Variants in MFAP3 observed in about 807,000 individuals in gnomAD.
MFAP3 encodes the protein microfibril-associated glycoprotein 3.
In MFAP3, 8 loss-of-function variants were observed where a neutral mutation model predicts 20.5. That is an observed-to-expected ratio of 0.39 (90% CI 0.23 to 0.70). MFAP3 has a LOEUF of 0.70. MFAP3 is among the 30% of genes least tolerant of loss of function. The pLI, the probability that MFAP3 is intolerant of heterozygous loss-of-function variation, is 0.44. For synonymous variants in MFAP3, 140 were observed against 154.0 expected (o/e 0.91, Z 0.67); for missense variants, 398 against 444.6 (o/e 0.90, Z 0.94).
At chr5:154,050,129 T>A in intron 2 of MFAP3, 112 bp downstream of exon 2, 1 of 1,215,696 alleles carries the variant, frequency 8.2e-7, no homozygotes, top group South Asian at 1.6e-5. Flanking sequence ...GTGAATAGTT[T>A]AAAACATTTG....
At chr5:154,052,300 G>GCC (rs1773209825) in intron 2 of MFAP3, among the ~76,000 whole-genome samples, 1 of 151,440 alleles carries the variant, frequency 6.6e-6, no homozygotes, top group South Asian at 2.1e-4. Flanking sequence ...ATCAACAAAA[G>GCC]TTTCTTAACA....
intron 1 of MFAP3, among the ~76,000 whole-genome samples, chr5:154,046,162 A>G (rs1260298781): frequency 2.0e-5 from 3 of 152,210 alleles, no homozygotes; most frequent in Non-Finnish European, 2.9e-5. Context: ...TCCTACCATT[A>G]TCCTCTAGGA....
In MFAP3 at chr5:154,054,723, C is replaced by T. The variant is rs577345744; in HGVS notation, c.*1010C>T. The T allele has an allele frequency of 3.6e-5, 6 of 167,160 alleles. No individual in the cohort carries two copies. The highest frequency in any genetic ancestry group is 1.4e-4 in the African/African-American group (6 of 41,556). The allele number at this position is 167,160 out of a possible 1,614,324, so 10.4% of individuals were successfully genotyped here. ...ACCCAAAACTGGATTCCTCTTAAGACCTCTGTCAACCCTCCTGCCCTTTGT... is the reference window on the plus strand; with the variant it reads ...ACCCAAAACTGGATTCCTCTTAAGATCTCTGTCAACCCTCCTGCCCTTTGT... On this transcript the variant is annotated 3_prime_UTR_variant, in exon 3 of 3. Transcript: ENST00000522782.
In MFAP3 at chr5:154,053,444, A is replaced by C. The variant is rs1773250260; in HGVS notation, c.820A>C (p.Arg274=). 3 of 1,613,912 alleles carry C rather than the reference A, an allele frequency of 1.9e-6. No individual in the cohort carries two copies. The highest frequency in any genetic ancestry group is 1.6e-4 in the Middle Eastern group (1 of 6,084). The change falls in exon 3 of 3, where the codon AGA becomes CGA. Residue 274 remains arginine (R), a synonymous_variant. Transcript: ENST00000522782. ...TGACCTGGGTGAAAGAATTAAAGAG[A>C]GACCTGCCTTGAATGCTCAAGGTGG... is the stretch of plus-strand genomic sequence containing the variant. ...PDDLGERIKE[R]PALNAQGGIY...
intron 1 of MFAP3, among the ~76,000 whole-genome samples, chr5:154,047,402 A>G (rs1010303294): frequency 6.6e-6 from 1 of 152,212 alleles, no homozygotes; most frequent in African/African-American, 2.4e-5. Context: ...GTATATGAAA[A>G]TGTATCCCTC....
intron 2 of MFAP3, 56 bp downstream of exon 2, chr5:154,050,073 A>C (rs1561590347): frequency 1.3e-6 from 2 of 1,514,668 alleles, no homozygotes; most frequent in Non-Finnish European, 1.8e-6. Flanking sequence ...CTGTCTTCTT[A>C]TTTTTTAACA....
intron 2 of MFAP3, among the ~76,000 whole-genome samples, chr5:154,052,686 A>G (rs914577105): frequency 6.6e-6 from 1 of 152,148 alleles, no homozygotes; most frequent in Non-Finnish European, 1.5e-5. Flanking sequence ...AGCTATGTTA[A>G]TTATTAGTGT....
intron 2 of MFAP3, among the ~76,000 whole-genome samples, chr5:154,050,577 A>C: frequency 6.6e-6 from 1 of 150,780 alleles, no homozygotes; most frequent in Non-Finnish European, 1.5e-5. Context: ...GAGAATTAGA[A>C]GGGCACTATG....
In MFAP3 at chr5:154,055,359, A is replaced by G. The variant is rs1231676637; in HGVS notation, c.*1646A>G. On this transcript the variant is annotated 3_prime_UTR_variant, in exon 3 of 3. Coordinates refer to ENST00000522782, the MANE Select transcript of MFAP3 (RefSeq NM_005927.5). ...CAGAAGTAATACATCTGCTCTGAAT[A>G]GCATGAATGAATCAATGTGCAGTTT... is the stretch of plus-strand genomic sequence containing the variant. Among the ~76,000 whole-genome samples, 1 of 152,206 alleles carries G rather than the reference A, an allele frequency of 6.6e-6. No individual in the cohort carries two copies. The highest frequency in any genetic ancestry group is 2.4e-5 in the African/African-American group (1 of 41,460).
At chr5:154,043,170 T>A (rs1372035645) in intron 1 of MFAP3, among the ~76,000 whole-genome samples, 1 of 152,194 alleles carries the variant, frequency 6.6e-6, no homozygotes, top group Non-Finnish European at 1.5e-5. Flanking sequence ...AAGCTTACAT[T>A]CTGTATACCT....
chr5:154,042,413 G>A lies in MFAP3; in HGVS notation c.-167+3402G>A, dbSNP rs1027189640. On this transcript the variant is annotated intron_variant, in intron 1 of 2. Coordinates refer to ENST00000522782, the MANE Select transcript of MFAP3 (RefSeq NM_005927.5). Reference sequence around the variant, plus strand: ...GGTGCCAGAAGATATGTTGAAGTTTGAGCTCAGACTGACCAAATGCTAGTT... The same window carrying A: ...GGTGCCAGAAGATATGTTGAAGTTTAAGCTCAGACTGACCAAATGCTAGTT... Among the ~76,000 whole-genome samples the A allele has an allele frequency of 1.2e-4, 19 of 152,200 alleles. 2 individuals carry two copies. Among genetic ancestry groups the A allele is most frequent in the African/African-American group, 9.7e-5 (4 of 41,436 alleles).
intron 1 of MFAP3, among the ~76,000 whole-genome samples, chr5:154,043,475 T>A (rs1773006156): frequency 6.6e-6 from 1 of 151,692 alleles, no homozygotes; most frequent in Non-Finnish European, 1.5e-5. Context: ...CGCTTGAACC[T>A]GGGGGGTGGA....
At position 154,057,263 on chromosome 5, in the gene MFAP3, A is replaced by G. The variant is rs764234195; in HGVS notation, c.*3550A>G. On this transcript the variant is annotated 3_prime_UTR_variant, in exon 3 of 3. Coordinates refer to ENST00000522782, the MANE Select transcript of MFAP3 (RefSeq NM_005927.5). ...GAATGTTGAAAATGCTCAGCCTTACATAGAAACTCCTAGATTTTCACTAAC... is the reference window on the plus strand; with the variant it reads ...GAATGTTGAAAATGCTCAGCCTTACGTAGAAACTCCTAGATTTTCACTAAC... 1.3e-5 allele frequency among the ~76,000 whole-genome samples: 2 copies of G among 152,232 alleles called. No individual in the cohort carries two copies. Among genetic ancestry groups the G allele is most frequent in the Admixed American group, 6.5e-5 (1 of 15,284 alleles).
chr5:154,042,131 A>G (rs1412162564), intron 1 of MFAP3, among the ~76,000 whole-genome samples: 1 of 152,220 alleles, frequency 6.6e-6, no homozygotes, highest in Non-Finnish European at 1.5e-5. Flanking sequence ...CATAAGCTGA[A>G]CAAGTAGATC....
rs1312691131 is a variant in MFAP3, at chr5:154,054,567, T to C, written c.*854T>C. On this transcript the variant is annotated 3_prime_UTR_variant, in exon 3 of 3. Transcript: ENST00000522782. Reference sequence around the variant, plus strand: ...TGATGCTTTTAGAATAAGAACAGTGTCAAATCATCTGTCTTCTGGAAAATC... The same window carrying C: ...TGATGCTTTTAGAATAAGAACAGTGCCAAATCATCTGTCTTCTGGAAAATC... 6.0e-6 allele frequency: 1 copy of C among 167,160 alleles called. No homozygotes were observed. The allele number at this position is 167,160 out of a possible 1,614,324, so 10.4% of individuals were successfully genotyped here. A position where few individuals can be genotyped will look rare whatever the true frequency, so the allele number is the denominator to read the frequency against.
At chr5:154,048,881 A>G (rs559290282) in intron 1 of MFAP3, among the ~76,000 whole-genome samples, 1 of 152,342 alleles carries the variant, frequency 6.6e-6, no homozygotes, top group South Asian at 2.1e-4. Flanking sequence ...GTATTGGAGA[A>G]ACTATTAAAA....
chr5:154,043,768 G>T (rs115714469), intron 1 of MFAP3, among the ~76,000 whole-genome samples: 1 of 150,230 alleles, frequency 6.7e-6, no homozygotes, highest in Admixed American at 6.6e-5. Context: ...ACAAATGCAC[G>T]TACTCTTGTG....
At chr5:154,050,963 T>C (rs969852236) in intron 2 of MFAP3, among the ~76,000 whole-genome samples, 1 of 152,126 alleles carries the variant, frequency 6.6e-6, no homozygotes, top group African/African-American at 2.4e-5. Flanking sequence ...TGTAGCCTTC[T>C]GAAATAGAAA....
rs78270125 is a variant in MFAP3 at position 154,045,839 on chromosome 5, G to A, written c.-166-3718G>A. ...AGACCTTCAATTTTGCTGATCTAGA[G>A]TAATCTAAATCTAGAATGGAATGTG... is the stretch of plus-strand genomic sequence containing the variant. On this transcript the variant is annotated intron_variant, in intron 1 of 2. Transcript: ENST00000522782. Among the ~76,000 whole-genome samples the A allele has an allele frequency of 7.9e-5, 12 of 152,272 alleles. No homozygotes were observed. In the East Asian group the frequency reaches 2.1e-3, roughly 27 times the overall value.
Sources: allele counts gnomAD v4.1 joint callset (sites outside exome capture counted in the v4.1 genomes callset), GRCh38; gene constraint gnomAD v4.1.1; transcripts MANE v1.5; gene names NCBI Gene and HGNC (gene_info 2026-07-23, HGNC 2026-07-21).